Variants in LRRC40 observed in about 807,000 individuals in gnomAD.
The protein encoded by LRRC40 is leucine rich repeat containing 40.
Under a neutral mutation model 72.8 loss-of-function variants are expected in LRRC40, and 76 were observed. The ratio of observed to expected loss-of-function variants is 1.04; its 90% CI spans 0.87 to 1.26. The LOEUF is 1.26. Ranked by LOEUF, LRRC40 falls within the 50% of genes most tolerant of loss-of-function variation. The probability of loss-of-function intolerance (pLI) is 0.00; values close to 1 mark genes in which losing one functional copy is unlikely to be tolerated. For synonymous variants in LRRC40, 243 were observed against 254.2 expected (o/e 0.96, Z 0.42); for missense variants, 684 against 698.9 (o/e 0.98, Z 0.24).
chr1:70,149,538 G>A (rs564088280), intron 13 of LRRC40, among the ~76,000 whole-genome samples: 33 of 152,192 alleles, frequency 2.2e-4, no homozygotes, highest in African/African-American at 7.5e-4. Context: ...CTGATAACAC[G>A]GAAGTTTAGG....
At chr1:70,168,721 G>A (rs1376012669) in intron 9 of LRRC40, among the ~76,000 whole-genome samples, 1 of 152,172 alleles carries the variant, frequency 6.6e-6, no homozygotes, top group African/African-American at 2.4e-5. Context: ...CAGAAAAGCT[G>A]AGTGTCTATA....
chr1:70,159,064 A>G (rs557402847), intron 10 of LRRC40, among the ~76,000 whole-genome samples: 154 of 152,120 alleles, frequency 1.0e-3, no homozygotes, highest in African/African-American at 2.2e-3. Flanking sequence ...TGCAATTATT[A>G]TTACTCTAAG....
chr1:70,169,735 A>T (rs993498946), intron 9 of LRRC40, among the ~76,000 whole-genome samples: 2 of 152,302 alleles, frequency 1.3e-5, no homozygotes, highest in East Asian at 3.9e-4. Context: ...AACTGACTCA[A>T]GAAGAAACAG....
In LRRC40 at chr1:70,145,250, C is replaced by T. The variant is rs2102301723; in HGVS notation, c.*550G>A. 6.6e-6 allele frequency: 1 copy of T among 151,978 alleles called. No homozygotes were observed. The highest frequency in any genetic ancestry group is 1.9e-4 in the East Asian group (1 of 5,190). The allele number at this position is 151,978 out of a possible 1,614,324, so 9.4% of individuals were successfully genotyped here. A position where few individuals can be genotyped will look rare whatever the true frequency, so the allele number is the denominator to read the frequency against. On this transcript the variant is annotated 3_prime_UTR_variant, in exon 15 of 15. Coordinates refer to ENST00000370952, the MANE Select transcript of LRRC40 (RefSeq NM_017768.5). ...TATTTTTGTTTCCTTTTTCTTTTGA[C>T]ATGTGGCCCAAGATAAGAAGGTCTT... is the stretch of plus-strand genomic sequence containing the variant.
intron 11 of LRRC40, among the ~76,000 whole-genome samples, chr1:70,154,951 T>C (rs756977903): frequency 2.0e-5 from 3 of 152,162 alleles, no homozygotes; most frequent in Non-Finnish European, 4.4e-5. Flanking sequence ...GTATAAGCAA[T>C]TGACTATATT....
chr1:70,161,548 CAA>C (rs59986416), intron 9 of LRRC40, among the ~76,000 whole-genome samples: 1,490 of 118,026 alleles, frequency 0.013, 14 homozygotes, highest in South Asian at 0.035. Context: ...GGCTCCCTCT[CAA>C]AAAAAAAAAA....
chr1:70,167,492 G>A (rs558081857), intron 9 of LRRC40, among the ~76,000 whole-genome samples: 5 of 152,008 alleles, frequency 3.3e-5, no homozygotes, highest in African/African-American at 4.8e-5. Context: ...CCTGGGAGGC[G>A]GAGGATGCAG....
rs377668051 is a variant in LRRC40 at position 70,163,377 on chromosome 1, A to C, written c.1112-3939T>G. Reference sequence around the variant, plus strand: ...GCTGGGATTACAGTCGTAAGCCACCACCCCCAGCCTGCATTCCTTTTTCTA... The same window carrying C: ...GCTGGGATTACAGTCGTAAGCCACCCCCCCCAGCCTGCATTCCTTTTTCTA... On this transcript the variant is annotated intron_variant, in intron 9 of 14. Coordinates refer to ENST00000370952, the MANE Select transcript of LRRC40 (RefSeq NM_017768.5). 2.0e-5 allele frequency among the ~76,000 whole-genome samples: 3 copies of C among 151,670 alleles called. No homozygotes were observed. The East Asian group carries it at 5.8e-4, about 29-fold the overall frequency.
chr1:70,197,366 C>T (rs1668637677), intron 1 of LRRC40, among the ~76,000 whole-genome samples: 1 of 151,980 alleles, frequency 6.6e-6, no homozygotes, highest in Non-Finnish European at 1.5e-5. Context: ...CAGCCTCGAA[C>T]TCATGGCTTC....
chr1:70,151,977 G>A (rs1011079411), intron 12 of LRRC40: 2 of 152,276 alleles, frequency 1.3e-5, no homozygotes, highest in African/African-American at 4.8e-5. Flanking sequence ...AGCCTAATAT[G>A]TAAAGTCATA....
At chr1:70,201,847 C>T (rs906357934) in intron 1 of LRRC40, among the ~76,000 whole-genome samples, 1 of 152,054 alleles carries the variant, frequency 6.6e-6, no homozygotes, top group Non-Finnish European at 1.5e-5. Context: ...CATGACAGCA[C>T]ATCCCTGTAA....
At chr1:70,176,781 C>T (rs1396966927) in intron 6 of LRRC40, among the ~76,000 whole-genome samples, 2 of 151,746 alleles carry the variant, frequency 1.3e-5, no homozygotes, top group Non-Finnish European at 2.9e-5. Context: ...AAAACACTTG[C>T]AAACCAACTG....
chr1:70,194,316 T>A (rs1668563107), intron 1 of LRRC40, among the ~76,000 whole-genome samples: 1 of 152,056 alleles, frequency 6.6e-6, no homozygotes. Context: ...TAAAAAAATG[T>A]TTAAATGTTA....
At chr1:70,166,916 AAAAAAAG>A (rs1164887931) in intron 9 of LRRC40, among the ~76,000 whole-genome samples, 1 of 152,026 alleles carries the variant, frequency 6.6e-6, no homozygotes, top group Non-Finnish European at 1.5e-5. Context: ...GAAAAAAGGA[AAAAAAAG>A]AAAAAAGAAA....
intron 9 of LRRC40, among the ~76,000 whole-genome samples, chr1:70,173,024 T>G (rs1279188360): frequency 3.3e-5 from 5 of 152,130 alleles, no homozygotes; most frequent in Admixed American, 3.3e-4. Flanking sequence ...ATGTTCTTGC[T>G]AAATTAACAT....
chr1:70,162,341 A>G (rs1469444238), intron 9 of LRRC40, among the ~76,000 whole-genome samples: 2 of 152,154 alleles, frequency 1.3e-5, no homozygotes, highest in Non-Finnish European at 2.9e-5. Flanking sequence ...CTGAGGAGAC[A>G]TCTGAGAGGG....
chr1:70,151,314 A>G, intron 12 of LRRC40, 109 bp from the exon 13 acceptor site: 1 of 642,230 alleles, frequency 1.6e-6, no homozygotes, highest in Non-Finnish European at 2.8e-6. Flanking sequence ...TCAGTTTGTC[A>G]ATCCTTGATC....
Position 70,144,858 on chromosome 1 carries a change from T to C in LRRC40, c.*942A>G, listed in dbSNP as rs1315024723. On this transcript the variant is annotated 3_prime_UTR_variant, in exon 15 of 15. Transcript: ENST00000370952. The stretch of plus-strand genomic sequence containing the variant: ...CTGAACATGTAGTATTTATCTTTAT[T>C]AGCAATTTTTTTCATAATATAAGCA... The C allele has an allele frequency of 6.6e-6, 1 of 152,174 alleles. No homozygotes were observed. Among genetic ancestry groups the C allele is most frequent in the Non-Finnish European group, 1.5e-5 (1 of 68,028 alleles). The allele number at this position is 152,174 out of a possible 1,614,324, so 9.4% of individuals were successfully genotyped here. A position where few individuals can be genotyped will look rare whatever the true frequency, so the allele number is the denominator to read the frequency against.
At chr1:70,195,485 A>C (rs1471164274) in intron 1 of LRRC40, among the ~76,000 whole-genome samples, 3 of 152,216 alleles carry the variant, frequency 2.0e-5, no homozygotes, top group African/African-American at 7.2e-5. Flanking sequence ...TGCAAATTAA[A>C]ACCACAAAAA....
Sources: gnomAD v4.1 joint callset for allele counts (sites outside exome capture counted in the v4.1 genomes callset) on GRCh38, gnomAD v4.1.1 for gene constraint, MANE v1.5 for transcripts, NCBI Gene and HGNC (gene_info 2026-07-23, HGNC 2026-07-21) for gene names.